BCAS1: variants seen among roughly 807,000 people sequenced by gnomAD.
BCAS1 encodes the protein brain enriched myelin associated protein 1.
Under a neutral mutation model 65.4 loss-of-function variants are expected in BCAS1, and 46 were observed. The ratio of observed to expected loss-of-function variants is 0.70; its 90% CI spans 0.55 to 0.90. BCAS1 has a LOEUF of 0.90. Ranked by LOEUF, BCAS1 falls within the 40% of genes least tolerant of loss-of-function variation. The probability of loss-of-function intolerance (pLI) is 0.00; values close to 1 mark genes in which losing one functional copy is unlikely to be tolerated. For synonymous variants in BCAS1, 298 were observed against 293.5 expected, an observed-to-expected ratio of 1.02 and a Z score of -0.16; for missense variants, 793 against 771.2, an observed-to-expected ratio of 1.03 and a Z score of -0.33.
chr20:53,990,885 C>T (rs1347626373), intron 7 of BCAS1, among the ~76,000 whole-genome samples: 1 of 152,224 alleles, frequency 6.6e-6, no homozygotes, highest in East Asian at 1.9e-4. Flanking sequence ...GTCTGTGTTA[C>T]AGAATTCCAG....
chr20:53,985,310 G>A lies in BCAS1; in HGVS notation c.1252C>T (p.Leu418=). ...KEKSGPTSLP[L]GKLFWKKSVK... is the part of the protein sequence containing the mutation. ...ACCTTTTTCCAAAACAGTTTGCCCA[G>A]AGGCAGAGAGGTGGGTCCTGATTTC... The change falls in exon 8 of 13, where the codon CTG becomes TTG. Residue 418 remains leucine, a synonymous_variant. Coordinates refer to ENST00000688948, the MANE Select transcript of BCAS1 (RefSeq NM_001366298.2). The A allele has an allele frequency of 1.2e-6, 2 of 1,613,676 alleles. No homozygotes were observed. Among genetic ancestry groups the A allele is most frequent in the South Asian group, 2.2e-5 (2 of 91,056 alleles).
intron 7 of BCAS1, among the ~76,000 whole-genome samples, chr20:53,986,840 T>C (rs1291515537): frequency 1.3e-5 from 2 of 152,130 alleles, no homozygotes; most frequent in African/African-American, 2.4e-5. Context: ...CAGTGAGCCA[T>C]GATCGTGCCA....
At chr20:53,999,164 TATATAA>T (rs1259185841) in intron 4 of BCAS1, among the ~76,000 whole-genome samples, 10 of 152,346 alleles carry the variant, frequency 6.6e-5, no homozygotes, top group African/African-American at 2.4e-4. Flanking sequence ...ATAGGGAGTG[TATATAA>T]ATATAGACTA....
At chr20:54,049,717 A>G (rs866096557) in intron 3 of BCAS1, among the ~76,000 whole-genome samples, 1 of 152,198 alleles carries the variant, frequency 6.6e-6, no homozygotes, top group South Asian at 2.1e-4. Flanking sequence ...AATAGCCTCT[A>G]CTTTTAGTTT....
intron 3 of BCAS1, among the ~76,000 whole-genome samples, chr20:54,032,967 A>G (rs1424952711): frequency 6.6e-6 from 1 of 151,050 alleles, no homozygotes; most frequent in Admixed American, 6.6e-5. Context: ...ACTAAATCAA[A>G]TGGCCCTGAT....
At chr20:53,973,541 G>A (rs1407600513) in intron 9 of BCAS1, among the ~76,000 whole-genome samples, 1 of 152,026 alleles carries the variant, frequency 6.6e-6, no homozygotes. Flanking sequence ...GGAAACACAG[G>A]GTTCCTTAAA....
At chr20:54,050,111 T>C (rs191715099) in intron 3 of BCAS1, among the ~76,000 whole-genome samples, 68 of 152,318 alleles carry the variant, frequency 4.5e-4, no homozygotes, top group Middle Eastern at 3.4e-3. Flanking sequence ...ATTCTCCAGC[T>C]TCCAGTCCAG....
chr20:53,952,902 A>C (rs1309089923), intron 12 of BCAS1, among the ~76,000 whole-genome samples: 1 of 152,248 alleles, frequency 6.6e-6, no homozygotes, highest in Non-Finnish European at 1.5e-5. Flanking sequence ...TTCTTTGCTC[A>C]CAACATAAAG....
In BCAS1 at chr20:53,996,057, G is replaced by A. The variant is rs367972286; in HGVS notation, c.724-7C>T. 2 of 1,575,140 alleles carry A rather than the reference G, an allele frequency of 1.3e-6. No individual in the cohort carries two copies. The highest frequency in any genetic ancestry group is 1.7e-6 in the Non-Finnish European group (2 of 1,160,064). On this transcript the variant is annotated splice_region_variant and splice_polypyrimidine_tract_variant and intron_variant, in intron 4 of 12. Coordinates refer to ENST00000688948, the MANE Select transcript of BCAS1 (RefSeq NM_001366298.2). Reference sequence around the variant, plus strand: ...CCTTGCCGTCAACTATGTCCTAGGGGCAAAACAGTTGTCACAGTTGCCACT... The same window carrying A: ...CCTTGCCGTCAACTATGTCCTAGGGACAAAACAGTTGTCACAGTTGCCACT...
At chr20:54,024,331 T>C (rs1443930250) in intron 4 of BCAS1, among the ~76,000 whole-genome samples, 1 of 152,216 alleles carries the variant, frequency 6.6e-6, no homozygotes, top group African/African-American at 2.4e-5. Context: ...TTCACTGAGA[T>C]GGAAAACCCC....
intron 4 of BCAS1, among the ~76,000 whole-genome samples, chr20:54,023,488 G>T (rs909450123): frequency 6.6e-6 from 1 of 152,224 alleles, no homozygotes; most frequent in African/African-American, 2.4e-5. Context: ...ATGCGAGAGG[G>T]ATTCATGCTG....
chr20:53,972,297 T>C (rs140815316), intron 9 of BCAS1, among the ~76,000 whole-genome samples: 9 of 152,350 alleles, frequency 5.9e-5, no homozygotes, highest in Non-Finnish European at 1.2e-4. Flanking sequence ...TAAAGCTAAC[T>C]CTGTTTTACA....
At chr20:54,060,181 C>T (rs1280956690) in intron 1 of BCAS1, among the ~76,000 whole-genome samples, 2 of 152,248 alleles carry the variant, frequency 1.3e-5, no homozygotes, top group African/African-American at 4.8e-5. Flanking sequence ...ATTAGCCTCT[C>T]TGTGCCTCAT....
chr20:54,018,123 G>A (rs887016202), intron 4 of BCAS1, among the ~76,000 whole-genome samples: 4 of 152,180 alleles, frequency 2.6e-5, no homozygotes, highest in African/African-American at 7.2e-5. Flanking sequence ...TTCACTGACT[G>A]TTTAAACACT....
At chr20:54,053,798 T>C (rs2092255598) in intron 3 of BCAS1, among the ~76,000 whole-genome samples, 1 of 152,214 alleles carries the variant, frequency 6.6e-6, no homozygotes, top group Non-Finnish European at 1.5e-5. Context: ...ATTGGAGCCA[T>C]GATTCAATGT....
At chr20:53,961,607 G>A (rs2145583615) in intron 10 of BCAS1, among the ~76,000 whole-genome samples, 2 of 152,320 alleles carry the variant, frequency 1.3e-5, no homozygotes, top group Middle Eastern at 6.8e-3. Flanking sequence ...AAGTGCAACA[G>A]CTCAATGCAT....
intron 12 of BCAS1, among the ~76,000 whole-genome samples, chr20:53,950,742 CAT>C (rs958528596): frequency 7.2e-5 from 11 of 152,192 alleles, no homozygotes; most frequent in African/African-American, 2.4e-4. Flanking sequence ...AGGCTTGGCA[CAT>C]GTTTCTGCAA....
At chr20:54,025,008 C>T (rs958460338) in intron 4 of BCAS1, among the ~76,000 whole-genome samples, 1 of 152,198 alleles carries the variant, frequency 6.6e-6, no homozygotes, top group African/African-American at 2.4e-5. Context: ...AGATTATACA[C>T]TCCTTGACAG....
At chr20:54,006,635 A>T (rs1303978771) in intron 4 of BCAS1, among the ~76,000 whole-genome samples, 5 of 151,638 alleles carry the variant, frequency 3.3e-5, no homozygotes, top group Non-Finnish European at 5.9e-5. Flanking sequence ...GTTTGAACCC[A>T]GGAGGTGGAG....
Sources: allele counts gnomAD v4.1 joint callset (sites outside exome capture counted in the v4.1 genomes callset), GRCh38; gene constraint gnomAD v4.1.1; transcripts MANE v1.5; gene names NCBI Gene and HGNC (gene_info 2026-07-23, HGNC 2026-07-21).